NTRK3: variants seen among roughly 807,000 people sequenced by gnomAD.
NTRK3 encodes NT-3 growth factor receptor.
NTRK3 carries 24 observed loss-of-function variants against 91.7 expected under a neutral mutation model. The ratio of observed to expected loss-of-function variants is 0.26; its 90% CI spans 0.19 to 0.37. The LOEUF is 0.37. Among genes scored for constraint, NTRK3 ranks in the 10% least tolerant of loss-of-function variants. The pLI, the probability that NTRK3 is intolerant of heterozygous loss-of-function variation, is 1.00. For synonymous variants in NTRK3, 483 were observed against 404.0 expected (o/e 1.20, Z -2.34); for missense variants, 880 against 1,068.9 (o/e 0.82, Z 2.46).
chr15:87,943,685 T>C (rs12593377), intron 14 of NTRK3, among the ~76,000 whole-genome samples: 43,704 of 151,662 alleles, frequency 0.29, 7,755 homozygotes, highest in African/African-American at 0.5. Context: ...TCTCCTCTCC[T>C]TCCCTCGGCA....
rs546682685 is a variant in NTRK3, at chr15:88,240,702, G to C, written c.248+15204C>G. 6.6e-6 allele frequency among the ~76,000 whole-genome samples: 1 copy of C among 152,346 alleles called. No homozygotes were observed. Among genetic ancestry groups the C allele is most frequent in the South Asian group, 2.1e-4 (1 of 4,828 alleles). ...TCAGTTTTCTCCCCTGTAAAATGAG[G>C]ATGATCGTGGGACCTGCCATGTCAC... On this transcript the variant is annotated intron_variant, in intron 3 of 18. Transcript: ENST00000394480. This position sits in a 1 kb window ranked among gnomAD's most constrained non-coding sequence, Gnocchi z 4.9.
intron 5 of NTRK3, among the ~76,000 whole-genome samples, chr15:88,152,849 C>T (rs1042813006): frequency 6.6e-6 from 1 of 152,178 alleles, no homozygotes; most frequent in African/African-American, 2.4e-5. Context: ...TGGTATCTGC[C>T]CACTTGCCCA....
intron 14 of NTRK3, among the ~76,000 whole-genome samples, chr15:87,947,070 C>T (rs2070616551): frequency 6.6e-6 from 1 of 151,824 alleles, no homozygotes; most frequent in African/African-American, 2.4e-5. Context: ...GTAGAGATGG[C>T]ATTTCACCAT....
At chr15:87,891,700 C>T (rs1293208449) in intron 17 of NTRK3, among the ~76,000 whole-genome samples, 1 of 152,116 alleles carries the variant, frequency 6.6e-6, no homozygotes, top group Admixed American at 6.6e-5. Context: ...TTCCACTGTG[C>T]TTAAAGATGC....
chr15:88,206,839 G>A (rs1263185952), intron 3 of NTRK3, among the ~76,000 whole-genome samples: 2 of 152,086 alleles, frequency 1.3e-5, no homozygotes, highest in Non-Finnish European at 2.9e-5. Context: ...TCTCTGCATC[G>A]GAGGCCCCAC....
intron 14 of NTRK3, among the ~76,000 whole-genome samples, chr15:88,019,427 C>A (rs952554178): frequency 3.3e-5 from 5 of 152,184 alleles, no homozygotes; most frequent in Admixed American, 2.0e-4. Context: ...CTCCAGGCAA[C>A]CATATGCCTC....
intron 17 of NTRK3, among the ~76,000 whole-genome samples, chr15:87,905,784 C>A (rs1343419593): frequency 6.6e-6 from 1 of 152,158 alleles, no homozygotes. Context: ...CGTGCGTGAG[C>A]CCCAGGAACA....
At chr15:88,226,731 C>T (rs1312799129) in intron 3 of NTRK3, among the ~76,000 whole-genome samples, 4 of 152,360 alleles carry the variant, frequency 2.6e-5, no homozygotes, top group Middle Eastern at 6.8e-3. Context: ...TCTTGTGTCC[C>T]GTTCCATTAT....
intron 13 of NTRK3, among the ~76,000 whole-genome samples, chr15:88,121,723 C>A (rs967545235): frequency 6.6e-6 from 1 of 152,204 alleles, no homozygotes; most frequent in Non-Finnish European, 1.5e-5. Flanking sequence ...ACAGTGGGGA[C>A]CTCCAGGGCC....
intron 13 of NTRK3, among the ~76,000 whole-genome samples, chr15:88,075,543 C>T (rs2047463141): frequency 6.6e-6 from 1 of 152,012 alleles, no homozygotes; most frequent in African/African-American, 2.4e-5. Context: ...TCACCCTAAC[C>T]ATTCACATTC....
At chr15:88,016,956 T>TA (rs67163869) in intron 14 of NTRK3, among the ~76,000 whole-genome samples, 2,140 of 84,162 alleles carry the variant, frequency 0.025, 32 homozygotes, top group African/African-American at 0.03. Context: ...AGACGAAGCT[T>TA]AAAAAAAAAA....
chr15:87,914,114 C>T (rs1332719650), intron 17 of NTRK3, among the ~76,000 whole-genome samples: 1 of 152,202 alleles, frequency 6.6e-6, no homozygotes, highest in Non-Finnish European at 1.5e-5. Flanking sequence ...TTCTAACATC[C>T]TTGCCCTGAT....
intron 14 of NTRK3, among the ~76,000 whole-genome samples, chr15:87,968,859 C>T (rs988989285): frequency 2.6e-5 from 4 of 152,202 alleles, no homozygotes; most frequent in Non-Finnish European, 5.9e-5. Context: ...GCTATAGAAT[C>T]AGGATATGAT....
At chr15:87,973,939 G>A (rs2073478902) in intron 14 of NTRK3, among the ~76,000 whole-genome samples, 1 of 152,138 alleles carries the variant, frequency 6.6e-6, no homozygotes, top group Non-Finnish European at 1.5e-5. Flanking sequence ...AAACCCTGAA[G>A]GAACAAAGGC....
intron 17 of NTRK3, among the ~76,000 whole-genome samples, chr15:87,912,968 A>ATATG (rs2067202684): frequency 1.5e-5 from 2 of 134,356 alleles, no homozygotes; most frequent in Non-Finnish European, 3.2e-5. Flanking sequence ...ATATATATAT[A>ATATG]TATATGCTTC....
At chr15:87,866,284 T>A (rs939626370) in exon 19 of NTRK3, 4 of 201,686 alleles carry the variant, frequency 2.0e-5, no homozygotes, top group African/African-American at 6.9e-5. Context: ...CTAGAAAGCA[T>A]TCATAATAGA....
chr15:88,117,811 T>TGAGGAAGAG (rs1363078997), intron 13 of NTRK3, among the ~76,000 whole-genome samples: 1 of 152,166 alleles, frequency 6.6e-6, no homozygotes, highest in Non-Finnish European at 1.5e-5. Context: ...GCTGGGATAG[T>TGAGGAAGAG]GAGGAAGAGA....
intron 17 of NTRK3, among the ~76,000 whole-genome samples, chr15:87,899,566 C>T (rs991172657): frequency 6.6e-6 from 1 of 152,140 alleles, no homozygotes; most frequent in Non-Finnish European, 1.5e-5. Flanking sequence ...GGAGGGAGAC[C>T]CGAGCCTTTG....
At chr15:87,945,869 T>C (rs1185923896) in intron 14 of NTRK3, among the ~76,000 whole-genome samples, 6 of 151,816 alleles carry the variant, frequency 4.0e-5, no homozygotes, top group African/African-American at 1.5e-4. Context: ...ACTTACTAAT[T>C]GAATCCTATC....
Sources: gnomAD v4.1 joint callset for allele counts (sites outside exome capture counted in the v4.1 genomes callset) on GRCh38, gnomAD v4.1.1 for gene constraint, Gnocchi (gnomAD v3.1) non-coding constraint, MANE v1.5 for transcripts, NCBI Gene and HGNC (gene_info 2026-07-23, HGNC 2026-07-21) for gene names.